CLVS1: variants seen among roughly 807,000 people sequenced by gnomAD.
CLVS1 encodes the protein clavesin 1, also known as clavesin-1.
Under a neutral mutation model 33.1 loss-of-function variants are expected in CLVS1, and 10 were observed. The observed-to-expected ratio is 0.30, with a 90% confidence interval of 0.19 to 0.51. The LOEUF (loss-of-function observed/expected upper bound fraction) is 0.51, where lower values mean the gene tolerates loss of function less well. Ranked by LOEUF, CLVS1 falls within the 20% of genes least tolerant of loss-of-function variation. The pLI, the probability that CLVS1 is intolerant of heterozygous loss-of-function variation, is 0.97. For missense variants in CLVS1, 343 were observed against 433.4 expected (o/e 0.79, Z 1.85); for synonymous variants, 163 against 166.1 (o/e 0.98, Z 0.14).
chr8:61,256,785 G>A (rs1563465693), intron 2 of CLVS1, among the ~76,000 whole-genome samples: 1 of 152,198 alleles, frequency 6.6e-6, no homozygotes, highest in Non-Finnish European at 1.5e-5. Context: ...ATTGTGAGGT[G>A]ACAAGTGAAG....
At chr8:61,479,666 T>A (rs187887071) in intron 5 of CLVS1, among the ~76,000 whole-genome samples, 26 of 152,368 alleles carry the variant, frequency 1.7e-4, no homozygotes, top group African/African-American at 6.3e-4. Flanking sequence ...GCTGTGATTT[T>A]TAGAGTTTCC....
chr8:61,099,232 A>AG (rs1223971585), intron 1 of CLVS1, among the ~76,000 whole-genome samples: 3 of 151,960 alleles, frequency 2.0e-5, no homozygotes, highest in Non-Finnish European at 4.4e-5. Context: ...AGAGGAGGGG[A>AG]GGGGCAGTGG....
intron 5 of CLVS1, among the ~76,000 whole-genome samples, chr8:61,492,901 A>G (rs1804142851): frequency 6.6e-6 from 1 of 152,172 alleles, no homozygotes; most frequent in Non-Finnish European, 1.5e-5. Context: ...GATGATTCTG[A>G]TTATGAAGAG....
At chr8:61,150,312 A>C (rs1806503670) in intron 2 of CLVS1, among the ~76,000 whole-genome samples, 1 of 152,182 alleles carries the variant, frequency 6.6e-6, no homozygotes, top group South Asian at 2.1e-4. Flanking sequence ...GGAAAGCTAC[A>C]CAGAGAGCCA....
At chr8:61,433,577 C>G (rs1259423944) in intron 3 of CLVS1, among the ~76,000 whole-genome samples, 1 of 152,090 alleles carries the variant, frequency 6.6e-6, no homozygotes, top group Non-Finnish European at 1.5e-5. Context: ...AATAACTCCT[C>G]TGATGGAGAT....
chr8:61,053,704 C>G (rs1433865128), upstream of CLVS1, among the ~76,000 whole-genome samples: 1 of 152,172 alleles, frequency 6.6e-6, no homozygotes, highest in Non-Finnish European at 1.5e-5. Flanking sequence ...TCTCTGGACA[C>G]AGTGATATTG....
chr8:61,013,851 G>A, the CLVS1 span, among the ~76,000 whole-genome samples: 10 of 152,228 alleles, frequency 6.6e-5, no homozygotes, highest in Non-Finnish European at 1.2e-4. Context: ...AGCTGCCCTC[G>A]CCAAGGTTGG....
chr8:60,977,725 A>T, the CLVS1 span, among the ~76,000 whole-genome samples: 1 of 152,212 alleles, frequency 6.6e-6, no homozygotes, highest in Non-Finnish European at 1.5e-5. Context: ...GGATTTCCAG[A>T]TGTAGAAGAA....
intron 3 of CLVS1, 39 bp downstream of exon 3, chr8:61,376,818 C>G: frequency 6.6e-7 from 1 of 1,508,638 alleles, no homozygotes; most frequent in Admixed American, 2.1e-5. Flanking sequence ...CCATGTGTGG[C>G]AACATACTTT....
intron 2 of CLVS1, among the ~76,000 whole-genome samples, chr8:61,279,843 A>C (rs1462788384): frequency 6.6e-6 from 1 of 152,250 alleles, no homozygotes; most frequent in Non-Finnish European, 1.5e-5. Context: ...GGTAAGGTTA[A>C]TGTGAATTCA....
intron 2 of CLVS1, chr8:61,202,332 A>G: frequency 1.4e-6 from 1 of 716,452 alleles, no homozygotes; most frequent in Non-Finnish European, 2.6e-6. Context: ...TCTCCTACCT[A>G]AGTGCGTGCT....
chr8:61,482,599 G>A (rs1046262560), intron 5 of CLVS1, among the ~76,000 whole-genome samples: 2 of 152,086 alleles, frequency 1.3e-5, no homozygotes, highest in Non-Finnish European at 2.9e-5. Context: ...TGGAAGAAAG[G>A]GTATTAGTGA....
At chr8:61,238,546 C>T (rs1225923966) in intron 2 of CLVS1, among the ~76,000 whole-genome samples, 5 of 152,174 alleles carry the variant, frequency 3.3e-5, no homozygotes, top group Non-Finnish European at 5.9e-5. Flanking sequence ...CGAATGGCTT[C>T]ATTCTGTTCT....
intron 2 of CLVS1, among the ~76,000 whole-genome samples, chr8:61,206,734 G>C (rs577757920): frequency 1.3e-5 from 2 of 151,838 alleles, no homozygotes; most frequent in South Asian, 4.2e-4. Context: ...GACTACAGGC[G>C]CCTGCCACCA....
intron 2 of CLVS1, among the ~76,000 whole-genome samples, chr8:61,139,493 C>G (rs1424945962): frequency 6.6e-6 from 1 of 152,188 alleles, no homozygotes; most frequent in Non-Finnish European, 1.5e-5. Flanking sequence ...CCGGGGACCT[C>G]CCCAGGGCAG....
At chr8:61,042,528 G>C in the CLVS1 span, among the ~76,000 whole-genome samples, 1 of 101,038 alleles carries the variant, frequency 9.9e-6, no homozygotes, top group Non-Finnish European at 1.8e-5. Flanking sequence ...TCTGGTGAGG[G>C]CCCACTCTTT....
At chr8:61,035,529 T>C in the CLVS1 span, among the ~76,000 whole-genome samples, 1 of 152,150 alleles carries the variant, frequency 6.6e-6, no homozygotes, top group Non-Finnish European at 1.5e-5. Flanking sequence ...GTCTGACGTG[T>C]CTCACCGTTA....
At chr8:61,288,328 C>G (rs377425623) in intron 1 of CLVS1, 190 bp downstream of exon 1, 17 of 452,476 alleles carry the variant, frequency 3.8e-5, no homozygotes, top group African/African-American at 2.8e-4. Flanking sequence ...ATCCTCCTCC[C>G]GGCGCCCGCT....
chr8:61,005,196 C>A, the CLVS1 span, among the ~76,000 whole-genome samples: 96 of 152,298 alleles, frequency 6.3e-4, 2 homozygotes, highest in East Asian at 0.018. Context: ...TTCATGGGAT[C>A]CAGCATGGAG....
Sources: gnomAD v4.1 joint callset for allele counts (sites outside exome capture counted in the v4.1 genomes callset) on GRCh38, gnomAD v4.1.1 for gene constraint, MANE v1.5 for transcripts, NCBI Gene and HGNC (gene_info 2026-07-23, HGNC 2026-07-21) for gene names.